The following STAU2 variants were observed in gnomAD, a reference collection of about 807,000 sequenced individuals.
STAU2 encodes double-stranded RNA-binding protein Staufen homolog 2.
A neutral mutation model predicts 65.9 loss-of-function variants in STAU2; 20 were observed. The ratio of observed to expected loss-of-function variants is 0.30; its 90% CI spans 0.21 to 0.44. The LOEUF is 0.44. Among genes scored for constraint, STAU2 ranks in the 20% least tolerant of loss-of-function variants. The probability of loss-of-function intolerance (pLI) is 1.00; values close to 1 mark genes in which losing one functional copy is unlikely to be tolerated. For synonymous variants in STAU2, 232 were observed against 233.9 expected (o/e 0.99, Z 0.07); for missense variants, 558 against 683.9 (o/e 0.82, Z 2.05).
intron 13 of STAU2, among the ~76,000 whole-genome samples, chr8:73,471,628 G>A (rs1820022504): frequency 6.6e-6 from 1 of 151,572 alleles, no homozygotes; most frequent in Non-Finnish European, 1.5e-5. Context: ...AGAACAGCCT[G>A]GCCAATGTGG....
intron 6 of STAU2, among the ~76,000 whole-genome samples, chr8:73,626,822 T>C (rs1317302889): frequency 6.6e-6 from 1 of 151,920 alleles, no homozygotes; most frequent in African/African-American, 2.4e-5. Context: ...ATAGGACTAG[T>C]GAAAAATGGG....
chr8:73,737,288 A>G (rs1806501127), intron 3 of STAU2, among the ~76,000 whole-genome samples: 1 of 151,806 alleles, frequency 6.6e-6, no homozygotes, highest in African/African-American at 2.4e-5. Context: ...CTCCTGCCTC[A>G]GCCTCCCGAG....
In STAU2 at chr8:73,552,244, C is replaced by G. The variant is rs759416467; in HGVS notation, c.1298G>C (p.Gly433Ala). Reference protein sequence around the residue: ...MEASRHKVISGTTLGYLSPKD... With the variant: ...MEASRHKVISATTLGYLSPKD... ...GGGTGACAAATAGCCTAGAGTAGTG[C>G]CAGAGATTACTTTGTGGCGGCTGGC... Residue 433 changes from glycine to alanine, a missense_variant, in exon 13 of 15, where the codon GGC (glycine) becomes GCC (alanine). By Grantham distance (60) the Gly-to-Ala change is moderately conservative (BLOSUM62 0). Around this residue, in one of 3 missense-constraint regions of STAU2, gnomAD observed 247 missense variants for 270.1 expected, o/e 0.91. Transcript: ENST00000524300. 3 of 1,613,732 alleles carry G rather than the reference C, an allele frequency of 1.9e-6. No homozygotes were observed. The highest frequency in any genetic ancestry group is 2.7e-5 in the African/African-American group (2 of 74,894).
At chr8:73,628,569 T>G (rs754762689) in intron 6 of STAU2, among the ~76,000 whole-genome samples, 2 of 152,162 alleles carry the variant, frequency 1.3e-5, no homozygotes, top group Non-Finnish European at 2.9e-5. Context: ...AAACAACTAG[T>G]GTAGAAAATC....
chr8:73,586,646 CAAAA>C (rs56687221), intron 11 of STAU2, among the ~76,000 whole-genome samples: 2 of 62,730 alleles, frequency 3.2e-5, no homozygotes, highest in Non-Finnish European at 7.2e-5. Context: ...AAAAAAAATG[CAAAA>C]AAAAAAAAAA....
At chr8:73,463,305 C>G (rs543029961) in intron 13 of STAU2, among the ~76,000 whole-genome samples, 7 of 152,112 alleles carry the variant, frequency 4.6e-5, no homozygotes, top group Non-Finnish European at 1.0e-4. Flanking sequence ...TGACCTGCCT[C>G]GAACTGATGA....
chr8:73,426,184 A>G (rs992959764), intron 13 of STAU2, among the ~76,000 whole-genome samples: 1 of 150,926 alleles, frequency 6.6e-6, no homozygotes, highest in African/African-American at 2.4e-5. Context: ...TTTTTTTTCA[A>G]TGATAAATAA....
chr8:73,482,394 A>T (rs929491721), intron 13 of STAU2, among the ~76,000 whole-genome samples: 9 of 152,158 alleles, frequency 5.9e-5, no homozygotes, highest in African/African-American at 2.2e-4. Context: ...ACATTTGCAC[A>T]TATGAACAAA....
At chr8:73,576,614 G>A (rs1004110277) in intron 12 of STAU2, among the ~76,000 whole-genome samples, 1 of 152,126 alleles carries the variant, frequency 6.6e-6, no homozygotes. Context: ...AAATTGGGCG[G>A]TGGGTTCATG....
chr8:73,557,505 T>C (rs1234810685), intron 12 of STAU2, among the ~76,000 whole-genome samples: 1 of 152,138 alleles, frequency 6.6e-6, no homozygotes, highest in Non-Finnish European at 1.5e-5. Context: ...AGGACCTTAT[T>C]TTGCTAATTA....
intron 9 of STAU2, among the ~76,000 whole-genome samples, chr8:73,610,538 C>CAAAAAAA (rs59599554): frequency 1.1e-5 from 1 of 95,144 alleles, no homozygotes; most frequent in African/African-American, 3.8e-5. Flanking sequence ...GACCCCGTCT[C>CAAAAAAA]AAAAAAAAAA....
At chr8:73,565,708 T>G (rs1808555418) in intron 12 of STAU2, among the ~76,000 whole-genome samples, 4 of 152,226 alleles carry the variant, frequency 2.6e-5, no homozygotes, top group Non-Finnish European at 5.9e-5. Flanking sequence ...ACAATTATCT[T>G]GTTTTTATTA....
At chr8:73,741,830 T>C (rs1358268149) in intron 1 of STAU2, among the ~76,000 whole-genome samples, 4 of 152,168 alleles carry the variant, frequency 2.6e-5, no homozygotes. Context: ...TCTAGTCTTC[T>C]GACACGGAAA....
intron 13 of STAU2, among the ~76,000 whole-genome samples, chr8:73,502,214 G>C (rs536799668): frequency 6.6e-6 from 1 of 151,830 alleles, no homozygotes; most frequent in East Asian, 1.9e-4. Context: ...CACTTATAAT[G>C]TTACCAATAG....
intron 5 of STAU2, among the ~76,000 whole-genome samples, chr8:73,684,882 A>T (rs1368070124): frequency 6.6e-6 from 1 of 152,220 alleles, no homozygotes; most frequent in Admixed American, 6.5e-5. Context: ...GAGTAATGCA[A>T]ATCAAAACCA....
At position 73,595,148 on chromosome 8, in the gene STAU2, T is replaced by A. The variant is rs1187593948; in HGVS notation, c.1161+18A>T. 1.3e-6 allele frequency: 2 copies of A among 1,587,068 alleles called. No homozygotes were observed. Among genetic ancestry groups the A allele is most frequent in the East Asian group, 2.3e-5 (1 of 44,300 alleles). ...TATTATGACAGATAGGATACATACA[T>A]GTAAACTTAACTCTTACCTTCTCAA... is the stretch of plus-strand genomic sequence containing the variant. On this transcript the variant is annotated intron_variant, in intron 11 of 14. Coordinates refer to ENST00000524300, the MANE Select transcript of STAU2 (RefSeq NM_001164380.2).
intron 6 of STAU2, among the ~76,000 whole-genome samples, chr8:73,661,109 C>T (rs1410625768): frequency 1.3e-5 from 2 of 152,136 alleles, no homozygotes; most frequent in African/African-American, 4.8e-5. Context: ...TCCTAACTTA[C>T]AGGTGAATTA....
At chr8:73,571,023 T>C (rs929881436) in intron 12 of STAU2, among the ~76,000 whole-genome samples, 9 of 152,054 alleles carry the variant, frequency 5.9e-5, no homozygotes, top group Admixed American at 1.3e-4. Context: ...GAGACACACA[T>C]AGGCTCAAAA....
rs191968428 is a variant in STAU2 at position 73,743,267 on chromosome 8, C to T, written c.-196-3399G>A. On this transcript the variant is annotated intron_variant, in intron 1 of 14. Coordinates refer to ENST00000524300, the MANE Select transcript of STAU2 (RefSeq NM_001164380.2). Reference sequence around the variant, plus strand: ...ACATTTTTCAGACACCAATTGTATACGCTAGGTGCCACATTTTGCCATTTT... The same window carrying T: ...ACATTTTTCAGACACCAATTGTATATGCTAGGTGCCACATTTTGCCATTTT... 5.9e-3 allele frequency among the ~76,000 whole-genome samples: 897 copies of T among 151,118 alleles called. 6 individuals are homozygous for T. The highest frequency in any genetic ancestry group is 0.01 in the Non-Finnish European group (700 of 67,844).
Sources: allele counts gnomAD v4.1 joint callset (sites outside exome capture counted in the v4.1 genomes callset), GRCh38; gene constraint gnomAD v4.1.1; regional missense constraint gnomAD v4.1.1; transcripts MANE v1.5; gene names NCBI Gene and HGNC (gene_info 2026-07-23, HGNC 2026-07-21).